The following DNAH12 variants were observed in gnomAD, a reference collection of about 807,000 sequenced individuals.
DNAH12 encodes the protein axonemal beta dynein heavy chain 12.
In DNAH12, 285 loss-of-function variants were observed where a neutral mutation model predicts 371.5. That is an observed-to-expected ratio of 0.77 (90% confidence interval 0.70 to 0.85). The LOEUF (loss-of-function observed/expected upper bound fraction) is 0.85. Among genes scored for constraint, DNAH12 ranks in the 40% least tolerant of loss-of-function variants. The pLI is 0.00. For synonymous variants in DNAH12, 1,200 were observed against 1,213.0 expected (o/e 0.99, Z 0.22); for missense variants, 3,611 against 3,689.4 (o/e 0.98, Z 0.55).
chr3:57,503,883 G>T, intron 9 of DNAH12, 133 bp downstream of exon 9: 2 of 752,814 alleles, frequency 2.7e-6, no homozygotes, highest in South Asian at 3.5e-5. Flanking sequence ...CAAAGAGAAA[G>T]CAATTTCTAA....
chr3:57,540,622 A>C (rs2069238073), intron 2 of DNAH12, among the ~76,000 whole-genome samples: 1 of 152,184 alleles, frequency 6.6e-6, no homozygotes, highest in South Asian at 2.1e-4. Flanking sequence ...CAAGATAATG[A>C]AAAGTTATGG....
chr3:57,307,678 C>G (rs1446173254), intron 69 of DNAH12, among the ~76,000 whole-genome samples: 3 of 152,198 alleles, frequency 2.0e-5, no homozygotes, highest in African/African-American at 7.2e-5. Context: ...GCTGTACTCA[C>G]TCTTTGTTGA....
At chr3:57,420,939 TAAAG>T (rs2064559564) in intron 36 of DNAH12, among the ~76,000 whole-genome samples, 1 of 132,944 alleles carries the variant, frequency 7.5e-6, no homozygotes, top group African/African-American at 3.0e-5. Context: ...AAGAAAGAAA[TAAAG>T]AATATGCTTG....
intron 50 of DNAH12, among the ~76,000 whole-genome samples, chr3:57,382,056 C>G (rs904213425): frequency 6.6e-6 from 1 of 151,952 alleles, no homozygotes; most frequent in Admixed American, 6.6e-5. Flanking sequence ...TTAGTTGAGA[C>G]GGGGTTTCAC....
intron 25 of DNAH12, among the ~76,000 whole-genome samples, chr3:57,448,622 A>G (rs569200681): frequency 6.6e-6 from 1 of 152,206 alleles, no homozygotes; most frequent in Non-Finnish European, 1.5e-5. Flanking sequence ...CCATGTTGCC[A>G]ATGCTGGCTC....
chr3:57,302,957 A>G (rs1171033148), intron 69 of DNAH12, among the ~76,000 whole-genome samples: 2 of 152,090 alleles, frequency 1.3e-5, no homozygotes, highest in African/African-American at 4.8e-5. Context: ...TAAGAAGAAT[A>G]GTTAACAGAT....
At chr3:57,349,976 C>A (rs1203627531) in intron 60 of DNAH12, among the ~76,000 whole-genome samples, 5 of 152,212 alleles carry the variant, frequency 3.3e-5, no homozygotes, top group Non-Finnish European at 7.3e-5. Flanking sequence ...AGGCGTGGGC[C>A]ACCACACCCG....
chr3:57,522,721 T>A (rs2068494953), intron 4 of DNAH12, among the ~76,000 whole-genome samples: 1 of 152,198 alleles, frequency 6.6e-6, no homozygotes, highest in African/African-American at 2.4e-5. Context: ...GATTTCCTCT[T>A]TCACGTCTCC....
intron 66 of DNAH12, among the ~76,000 whole-genome samples, 168 bp from the exon 67 acceptor site, chr3:57,311,118 C>T (rs1357838837): frequency 3.3e-5 from 5 of 152,272 alleles, no homozygotes; most frequent in African/African-American, 1.2e-4. Flanking sequence ...CTCTGTCGCC[C>T]AGGCTGGAGT....
At chr3:57,437,968 C>T (rs1219819037) in intron 29 of DNAH12, among the ~76,000 whole-genome samples, 6 of 152,182 alleles carry the variant, frequency 3.9e-5, no homozygotes, top group Non-Finnish European at 7.3e-5. Flanking sequence ...GCAATGCAAC[C>T]TAGCTACCTG....
intron 55 of DNAH12, among the ~76,000 whole-genome samples, chr3:57,371,570 T>C (rs1262653980): frequency 6.6e-6 from 1 of 151,698 alleles, no homozygotes; most frequent in African/African-American, 2.4e-5. Flanking sequence ...TCCAGCTACA[T>C]CAGGAGGCTG....
At chr3:57,323,326 T>C in intron 63 of DNAH12, 66 bp from the exon 64 acceptor site, 2 of 1,497,190 alleles carry the variant, frequency 1.3e-6, no homozygotes, top group South Asian at 1.4e-5. Context: ...GCCTTATGTA[T>C]AGGTGTTTTA....
chr3:57,437,390 CT>C (rs5849206), intron 29 of DNAH12, among the ~76,000 whole-genome samples: 100,761 of 151,892 alleles, frequency 0.66, 33,586 homozygotes, highest in South Asian at 0.78. Flanking sequence ...ATCCTGCACA[CT>C]TGTAGTAACC....
the DNAH12 span, among the ~76,000 whole-genome samples, chr3:57,555,680 C>T: frequency 6.6e-6 from 1 of 152,336 alleles, no homozygotes; most frequent in Non-Finnish European, 1.5e-5. Context: ...CTCATAAGAA[C>T]TATGAGGCTT....
intron 22 of DNAH12, among the ~76,000 whole-genome samples, chr3:57,455,420 A>T (rs1019227190): frequency 6.6e-6 from 1 of 151,800 alleles, no homozygotes; most frequent in African/African-American, 2.4e-5. Flanking sequence ...AAAAAAAAAA[A>T]ATAGCTGGGC....
At chr3:57,323,725 A>G in intron 62 of DNAH12, 106 bp from the exon 63 acceptor site, 1 of 1,179,658 alleles carries the variant, frequency 8.5e-7, no homozygotes, top group African/African-American at 1.6e-5. Context: ...CTAATGGTCA[A>G]AAAAAGCATA....
At chr3:57,517,766 GC>G (rs2068251248) in intron 4 of DNAH12, among the ~76,000 whole-genome samples, 1 of 152,080 alleles carries the variant, frequency 6.6e-6, no homozygotes, top group Non-Finnish European at 1.5e-5. Context: ...AAACTCCCTG[GC>G]CCAGCACGGT....
chr3:57,377,694 T>TA (rs1459992860), intron 52 of DNAH12, among the ~76,000 whole-genome samples: 5 of 151,874 alleles, frequency 3.3e-5, no homozygotes, highest in Non-Finnish European at 7.4e-5. Context: ...ATGGTGGAAA[T>TA]AAAAAGGAAG....
In DNAH12 at chr3:57,296,989, A is replaced by G. The variant is rs1456114352; in HGVS notation, c.11395-5T>C. ...TTTTCCTGAATTATACCAGTCCTAC[A>G]AAGGGAAAACAAAACACATTATGTC... On this transcript the variant is annotated splice_region_variant and splice_polypyrimidine_tract_variant and intron_variant, in intron 70 of 73. Transcript: ENST00000495027. The G allele has an allele frequency of 6.4e-7, 1 of 1,551,096 alleles. No individual in the cohort carries two copies. The highest frequency in any genetic ancestry group is 8.7e-7 in the Non-Finnish European group (1 of 1,146,906).
Sources: allele counts gnomAD v4.1 joint callset (sites outside exome capture counted in the v4.1 genomes callset), GRCh38; gene constraint gnomAD v4.1.1; transcripts MANE v1.5; gene names NCBI Gene and HGNC (gene_info 2026-07-23, HGNC 2026-07-21).